The following PLGRKT variants were observed in gnomAD, a reference collection of about 807,000 sequenced individuals.
The protein encoded by PLGRKT is plasminogen receptor (KT).
PLGRKT carries 22 observed loss-of-function variants against 18.5 expected under a neutral mutation model. That is an observed-to-expected ratio of 1.19 (90% CI 0.85 to 1.70). The LOEUF (loss-of-function observed/expected upper bound fraction) is 1.70. PLGRKT is among the 40% of genes most tolerant of loss of function. The pLI is 0.00. For missense variants in PLGRKT, 235 were observed against 174.4 expected (o/e 1.35, Z -1.96); for synonymous variants, 72 against 52.8 (o/e 1.36, Z -1.58).
chr9:5,391,209 C>T (rs969195334), intron 3 of PLGRKT, among the ~76,000 whole-genome samples: 4 of 151,774 alleles, frequency 2.6e-5, no homozygotes, highest in Admixed American at 2.6e-4. Flanking sequence ...TTATATGATG[C>T]GATATGGTTT....
At chr9:5,362,888 C>T (rs1817298037) in intron 3 of PLGRKT, among the ~76,000 whole-genome samples, 1 of 152,066 alleles carries the variant, frequency 6.6e-6, no homozygotes. Context: ...AGACTTGTGG[C>T]CTTGCTTCCT....
chr9:5,413,433 T>C (rs560835581), intron 3 of PLGRKT, among the ~76,000 whole-genome samples: 4 of 152,124 alleles, frequency 2.6e-5, no homozygotes, highest in South Asian at 4.1e-4. Context: ...GATTTTAAGA[T>C]AGGAAAAGAA....
intron 3 of PLGRKT, among the ~76,000 whole-genome samples, chr9:5,409,859 T>G (rs1000633495): frequency 3.3e-5 from 5 of 152,248 alleles, no homozygotes; most frequent in African/African-American, 1.2e-4. Context: ...CAGTGTATCT[T>G]GGAATACCTC....
chr9:5,428,335 C>T (rs1372677568), intron 3 of PLGRKT, among the ~76,000 whole-genome samples: 3 of 152,306 alleles, frequency 2.0e-5, no homozygotes, highest in African/African-American at 7.2e-5. Flanking sequence ...TGCTGGGGAA[C>T]TTCAGGGCAG....
intron 3 of PLGRKT, among the ~76,000 whole-genome samples, chr9:5,377,263 T>C (rs1183137045): frequency 6.6e-6 from 1 of 151,208 alleles, no homozygotes; most frequent in Non-Finnish European, 1.5e-5. Flanking sequence ...AAAAAAAAGA[T>C]AGCACAGAGA....
intron 3 of PLGRKT, among the ~76,000 whole-genome samples, chr9:5,410,401 A>G (rs1426164429): frequency 6.6e-6 from 1 of 151,804 alleles, no homozygotes; most frequent in Admixed American, 6.6e-5. Context: ...ATTAGCTGAC[A>G]TGCTCACTTG....
rs375682412 is a variant in PLGRKT at position 5,424,668 on chromosome 9, TTA to T, written c.81+7227_81+7228del. On this transcript the variant is annotated intron_variant, in intron 3 of 5. Coordinates refer to ENST00000223864, the MANE Select transcript of PLGRKT (RefSeq NM_018465.4). ...ATTATATATAATATAATTATATATT[TTA>T]TATATATATATATATATATATACAC... Among the ~76,000 whole-genome samples the T allele has an allele frequency of 1.6e-3, 181 of 113,128 alleles. 3 individuals are homozygous for T. In the South Asian group the frequency reaches 0.016, roughly 10 times the overall value. 74.2% of individuals were successfully genotyped at this position (113,128 alleles called of 152,430 possible).
intron 3 of PLGRKT, among the ~76,000 whole-genome samples, chr9:5,412,548 C>T (rs1289027567): frequency 1.3e-5 from 2 of 152,168 alleles, no homozygotes; most frequent in Non-Finnish European, 2.9e-5. Flanking sequence ...ATGCTTCCCG[C>T]CATGTCCTGA....
intron 3 of PLGRKT, among the ~76,000 whole-genome samples, chr9:5,374,863 C>T (rs1282245025): frequency 1.3e-5 from 2 of 151,884 alleles, no homozygotes; most frequent in East Asian, 1.9e-4. Context: ...TAGAAAATAC[C>T]ATTAATTCCT....
intron 3 of PLGRKT, among the ~76,000 whole-genome samples, chr9:5,371,000 T>A (rs1409429930): frequency 1.3e-5 from 2 of 152,224 alleles, no homozygotes; most frequent in Non-Finnish European, 2.9e-5. Context: ...AACCAAGTTG[T>A]AGTATTATTC....
intron 3 of PLGRKT, among the ~76,000 whole-genome samples, chr9:5,422,951 C>T (rs900195333): frequency 2.0e-5 from 3 of 151,988 alleles, no homozygotes; most frequent in Admixed American, 1.3e-4. Context: ...TAATTGCTTT[C>T]GAAACACCTG....
intron 3 of PLGRKT, among the ~76,000 whole-genome samples, chr9:5,384,146 C>T (rs1323587516): frequency 6.6e-6 from 1 of 152,098 alleles, no homozygotes; most frequent in Non-Finnish European, 1.5e-5. Flanking sequence ...AGCATATATC[C>T]CTAGGTTAAA....
chr9:5,377,045 G>A (rs1334338143), intron 3 of PLGRKT, among the ~76,000 whole-genome samples: 4 of 152,126 alleles, frequency 2.6e-5, no homozygotes, highest in African/African-American at 7.2e-5. Flanking sequence ...TACTCAGGCT[G>A]CCTGGGAAGT....
At chr9:5,371,723 T>C (rs1414134782) in intron 3 of PLGRKT, among the ~76,000 whole-genome samples, 2 of 152,166 alleles carry the variant, frequency 1.3e-5, no homozygotes, top group Non-Finnish European at 2.9e-5. Context: ...TTATTAGCAC[T>C]GTCAACTGAA....
chr9:5,393,714 T>A (rs1369144983), intron 3 of PLGRKT, among the ~76,000 whole-genome samples: 1 of 151,948 alleles, frequency 6.6e-6, no homozygotes, highest in Non-Finnish European at 1.5e-5. Flanking sequence ...TCTATTTTTT[T>A]AATAAGCTGG....
chr9:5,393,734 C>T lies in PLGRKT; in HGVS notation c.82-31846G>A, dbSNP rs76230861. Among the ~76,000 whole-genome samples, 378 of 151,802 alleles carry T rather than the reference C, an allele frequency of 2.5e-3. 14 individuals are homozygous for T. The highest frequency in any genetic ancestry group is 8.9e-3 in the African/African-American group (366 of 41,224). ...TTTTTTAATAAGCTGGGAATAAGGA[C>T]GAGCTACCTCAAAGAATTAAGTAAT... On this transcript the variant is annotated intron_variant, in intron 3 of 5. Coordinates refer to ENST00000223864, the MANE Select transcript of PLGRKT (RefSeq NM_018465.4).
At chr9:5,365,733 A>C (rs1260875338) in intron 3 of PLGRKT, among the ~76,000 whole-genome samples, 1 of 152,184 alleles carries the variant, frequency 6.6e-6, no homozygotes, top group African/African-American at 2.4e-5. Context: ...TGCCATGGTA[A>C]TGGTAAGATG....
intron 3 of PLGRKT, among the ~76,000 whole-genome samples, chr9:5,386,374 CA>C (rs1270660659): frequency 6.6e-6 from 1 of 151,782 alleles, no homozygotes; most frequent in Non-Finnish European, 1.5e-5. Context: ...TTTTGCCTCC[CA>C]GGGGATATTT....
chr9:5,390,957 T>C (rs2131109834), intron 3 of PLGRKT, among the ~76,000 whole-genome samples: 1 of 151,966 alleles, frequency 6.6e-6, no homozygotes, highest in African/African-American at 2.4e-5. Context: ...TAGTGGTTGG[T>C]TTTGGGTTTT....
Sources: allele counts gnomAD v4.1 joint callset (sites outside exome capture counted in the v4.1 genomes callset), GRCh38; gene constraint gnomAD v4.1.1; transcripts MANE v1.5; gene names NCBI Gene and HGNC (gene_info 2026-07-23, HGNC 2026-07-21).